The following CIT variants were observed in gnomAD, a reference collection of about 807,000 sequenced individuals.
CIT encodes the protein citron rho-interacting serine/threonine kinase.
CIT carries 79 observed loss-of-function variants against 272.7 expected under a neutral mutation model. That is an observed-to-expected ratio of 0.29 (90% CI 0.24 to 0.35). The LOEUF (loss-of-function observed/expected upper bound fraction) is 0.35, where lower values mean the gene tolerates loss of function less well. Among genes scored for constraint, CIT ranks in the 10% least tolerant of loss-of-function variants. The probability of loss-of-function intolerance (pLI) is 1.00; values close to 1 mark genes in which losing one functional copy is unlikely to be tolerated. For synonymous variants in CIT, 948 were observed against 995.6 expected (o/e 0.95, Z 0.90); for missense variants, 1,909 against 2,618.3 (o/e 0.73, Z 5.91).
At chr12:119,781,255 T>A (rs1452016147) in intron 13 of CIT, among the ~76,000 whole-genome samples, 4 of 152,254 alleles carry the variant, frequency 2.6e-5, no homozygotes, top group African/African-American at 9.6e-5. Flanking sequence ...TTCCGTCCTA[T>A]GCACGTTTAT....
chr12:119,814,743 C>G (rs1414072956), intron 9 of CIT, among the ~76,000 whole-genome samples: 2 of 152,148 alleles, frequency 1.3e-5, no homozygotes, highest in Admixed American at 6.6e-5. Context: ...AATACACAAA[C>G]AAGATGAACT....
chr12:119,717,054 T>C (rs895455903), intron 32 of CIT, among the ~76,000 whole-genome samples: 1 of 152,236 alleles, frequency 6.6e-6, no homozygotes, highest in Non-Finnish European at 1.5e-5. Context: ...GCTTACGTTT[T>C]CTTGTTTTTG....
intron 9 of CIT, among the ~76,000 whole-genome samples, chr12:119,814,470 A>G (rs1966954187): frequency 6.6e-6 from 1 of 151,988 alleles, no homozygotes; most frequent in Admixed American, 6.6e-5. Context: ...TACCATCACT[A>G]CTTTACCATC....
At chr12:119,726,376 A>G in intron 28 of CIT, among the ~76,000 whole-genome samples, 2 of 115,272 alleles carry the variant, frequency 1.7e-5, no homozygotes, top group South Asian at 6.1e-4. Flanking sequence ...ACACCACCAC[A>G]CTTGGCTAAT....
At chr12:119,707,192 G>A (rs945150166) in intron 40 of CIT, among the ~76,000 whole-genome samples, 2 of 151,884 alleles carry the variant, frequency 1.3e-5, no homozygotes, top group African/African-American at 4.8e-5. Flanking sequence ...ACATACACAC[G>A]CACATGCAAA....
Position 119,712,775 on chromosome 12 carries a change from C to T in CIT, c.4580-80G>A, listed in dbSNP as rs992899419. The T allele has an allele frequency of 1.1e-5, 13 of 1,176,578 alleles. No individual in the cohort carries two copies. The highest frequency in any genetic ancestry group is 1.6e-5 in the Non-Finnish European group (13 of 794,520). 72.9% of individuals were successfully genotyped at this position (1,176,578 alleles called of 1,614,324 possible). ...AGGGGAGAAGAGAGAGCGAGAGAGA[C>T]AGCAAGGGAGAGAGAGACAGGGTAC... is the stretch of plus-strand genomic sequence containing the variant. On this transcript the variant is annotated intron_variant, in intron 35 of 47. Transcript: ENST00000392521. The surrounding 1 kb of genome is among the most constrained non-coding windows in gnomAD (Gnocchi z 5.2).
At chr12:119,785,216 C>A in intron 10 of CIT, 151 bp from the exon 11 acceptor site, 1 of 814,006 alleles carries the variant, frequency 1.2e-6, no homozygotes, top group Non-Finnish European at 1.9e-6. Context: ...CCAAAGATGC[C>A]CATGTCCTGA....
chr12:119,761,109 A>C, intron 19 of CIT, 54 bp from the exon 20 acceptor site: 3 of 1,255,512 alleles, frequency 2.4e-6, no homozygotes, highest in Non-Finnish European at 3.5e-6. Context: ...TGAGGAGGGA[A>C]GACTAAACGG....
chr12:119,759,912 C>T (rs10129003), intron 20 of CIT, among the ~76,000 whole-genome samples: 67,137 of 151,694 alleles, frequency 0.44, 15,831 homozygotes, highest in Admixed American at 0.55. Context: ...TGGGGTCGGG[C>T]GCGGTGGCTC....
In CIT at chr12:119,697,283, G is replaced by T. The variant is rs1956277690; in HGVS notation, c.5882+376C>A. The stretch of plus-strand genomic sequence containing the variant: ...GCATCTCTCCCACTGGGCTGTGAGT[G>T]CCATCAGGGAGGGGCTACATCTGCT... On this transcript the variant is annotated intron_variant, in intron 46 of 47. Coordinates refer to ENST00000392521, the MANE Select transcript of CIT (RefSeq NM_001206999.2). This position sits in a 1 kb window ranked among gnomAD's most constrained non-coding sequence, Gnocchi z 4.9. Among the ~76,000 whole-genome samples, 1 of 152,118 alleles carries T rather than the reference G, an allele frequency of 6.6e-6. No individual in the cohort carries two copies. Among genetic ancestry groups the T allele is most frequent in the Admixed American group, 6.5e-5 (1 of 15,268 alleles).
At chr12:119,803,928 T>C (rs1364412736) in intron 9 of CIT, among the ~76,000 whole-genome samples, 1 of 151,894 alleles carries the variant, frequency 6.6e-6, no homozygotes, top group Admixed American at 6.6e-5. Flanking sequence ...CCTGTTAGGA[T>C]ACCACTGCAG....
At chr12:119,876,686 G>A (rs906518278) in intron 1 of CIT, among the ~76,000 whole-genome samples, 5 of 152,158 alleles carry the variant, frequency 3.3e-5, no homozygotes, top group African/African-American at 9.7e-5. Flanking sequence ...TTGAAGACCT[G>A]AAGCGAATGA....
intron 39 of CIT, among the ~76,000 whole-genome samples, chr12:119,709,790 GT>G (rs1957068343): frequency 1.1e-3 from 3 of 2,712 alleles, no homozygotes; most frequent in African/African-American, 1.7e-3. Flanking sequence ...GAGAGAGAGT[GT>G]GTGTGTGTGT....
intron 23 of CIT, among the ~76,000 whole-genome samples, chr12:119,749,601 GC>G (rs1319664778): frequency 6.6e-6 from 1 of 152,268 alleles, no homozygotes; most frequent in South Asian, 2.1e-4. Flanking sequence ...TGATGGGTTT[GC>G]AAACAGCTGT....
chr12:119,797,859 T>C (rs1250315266), intron 10 of CIT, among the ~76,000 whole-genome samples: 1 of 152,146 alleles, frequency 6.6e-6, no homozygotes, highest in Non-Finnish European at 1.5e-5. Context: ...AAGTACAAAA[T>C]GTAGATGTGA....
In CIT at chr12:119,710,688, TC is replaced by T; in HGVS notation, c.4855-69del. ...GGCTGATCTGTTTATGACCAAACCA[TC>T]CAGAGAAACCAAGAGAAGGTTAAGG... On this transcript the variant is annotated intron_variant, in intron 37 of 47. Transcript: ENST00000392521. This position sits in a 1 kb window ranked among gnomAD's most constrained non-coding sequence, Gnocchi z 5.6. 6.9e-7 allele frequency: 1 copy of T among 1,451,584 alleles called. No homozygotes were observed. The highest frequency in any genetic ancestry group is 9.7e-7 in the Non-Finnish European group (1 of 1,033,336). 89.9% of individuals were successfully genotyped at this position (1,451,584 alleles called of 1,614,324 possible). A position where few individuals can be genotyped will look rare whatever the true frequency, so the allele number is the denominator to read the frequency against.
intron 19 of CIT, among the ~76,000 whole-genome samples, chr12:119,761,917 A>C (rs540673181): frequency 6.6e-6 from 1 of 152,286 alleles, no homozygotes; most frequent in South Asian, 2.1e-4. Context: ...AACAAGCAAA[A>C]AGGAAGGAAA....
chr12:119,821,392 T>C (rs1420657118), intron 9 of CIT, among the ~76,000 whole-genome samples: 1 of 152,236 alleles, frequency 6.6e-6, no homozygotes, highest in Non-Finnish European at 1.5e-5. Context: ...ATGCCTAATT[T>C]ATAAGTTAAG....
At chr12:119,799,188 T>C (rs1278181437) in intron 10 of CIT, among the ~76,000 whole-genome samples, 2 of 152,214 alleles carry the variant, frequency 1.3e-5, no homozygotes, top group African/African-American at 4.8e-5. Flanking sequence ...TGCTGAGTCC[T>C]TTCCATATTC....
Sources: gnomAD v4.1 joint callset for allele counts (sites outside exome capture counted in the v4.1 genomes callset) on GRCh38, gnomAD v4.1.1 for gene constraint, Gnocchi (gnomAD v3.1) non-coding constraint, MANE v1.5 for transcripts, NCBI Gene and HGNC (gene_info 2026-07-23, HGNC 2026-07-21) for gene names.